The following MAMDC2 variants were observed in gnomAD, a reference collection of about 807,000 sequenced individuals.
MAMDC2 encodes MAM domain containing 2.
MAMDC2 carries 57 observed loss-of-function variants against 89.8 expected under a neutral mutation model. That is an observed-to-expected ratio of 0.63 (90% CI 0.51 to 0.79). The LOEUF (loss-of-function observed/expected upper bound fraction) is 0.79, where lower values mean the gene tolerates loss of function less well. Among genes scored for constraint, MAMDC2 ranks in the 30% least tolerant of loss-of-function variants. MAMDC2 has a pLI of 0.00. For synonymous variants in MAMDC2, 313 were observed against 293.4 expected (o/e 1.07, Z -0.68); for missense variants, 800 against 820.6 (o/e 0.97, Z 0.31).
chr9:70,103,198 A>G (rs1156536223), intron 2 of MAMDC2, among the ~76,000 whole-genome samples: 2 of 152,216 alleles, frequency 1.3e-5, no homozygotes, highest in Non-Finnish European at 2.9e-5. Flanking sequence ...GAATACTGTT[A>G]AAACACTGAA....
At chr9:70,186,135 T>C (rs970100758) in intron 11 of MAMDC2, among the ~76,000 whole-genome samples, 1 of 150,414 alleles carries the variant, frequency 6.6e-6, no homozygotes, top group Non-Finnish European at 1.5e-5. Context: ...TAGTATTTGC[T>C]TTATATTTAT....
At chr9:70,097,007 G>C (rs1209471596) in intron 2 of MAMDC2, among the ~76,000 whole-genome samples, 1 of 152,180 alleles carries the variant, frequency 6.6e-6, no homozygotes, top group African/African-American at 2.4e-5. Flanking sequence ...AGAAGTTTCT[G>C]AGTCAACTAG....
At chr9:70,222,562 G>A (rs1309959696) in intron 12 of MAMDC2, among the ~76,000 whole-genome samples, 2 of 152,084 alleles carry the variant, frequency 1.3e-5, no homozygotes, top group East Asian at 1.9e-4. Flanking sequence ...TGCATCAAAC[G>A]GCAAATGTTT....
chr9:70,190,640 T>C (rs2032859045), intron 11 of MAMDC2, among the ~76,000 whole-genome samples: 1 of 152,064 alleles, frequency 6.6e-6, no homozygotes, highest in African/African-American at 2.4e-5. Flanking sequence ...GTTAGAGCTT[T>C]GTAAAGCTCC....
At chr9:70,111,950 A>C (rs1413199589) in intron 4 of MAMDC2, among the ~76,000 whole-genome samples, 1 of 152,198 alleles carries the variant, frequency 6.6e-6, no homozygotes, top group Non-Finnish European at 1.5e-5. Context: ...TTTGTCAAAC[A>C]AGGGCTGCTT....
Position 70,052,772 on chromosome 9 carries a change from GGTT to G in MAMDC2, c.148+8078_148+8080del, listed in dbSNP as rs149579714. Among the ~76,000 whole-genome samples the G allele has an allele frequency of 3.8e-3, 581 of 152,324 alleles. 4 individuals carry two copies. The highest frequency in any genetic ancestry group is 0.013 in the African/African-American group (555 of 41,558). ...AACATTTTTTTCCTGTAGTAAAAGA[GGTT>G]GTGTTTAGTAATCCTTCCTACCATG... On this transcript the variant is annotated intron_variant, in intron 2 of 13. Transcript: ENST00000377182.
intron 9 of MAMDC2, among the ~76,000 whole-genome samples, chr9:70,156,582 A>T (rs1448620843): frequency 6.6e-6 from 1 of 152,248 alleles, no homozygotes; most frequent in Admixed American, 6.5e-5. Flanking sequence ...AGAAATAGAA[A>T]GGTCATTAAT....
At chr9:70,212,962 A>C (rs1255195383) in intron 11 of MAMDC2, among the ~76,000 whole-genome samples, 1 of 152,152 alleles carries the variant, frequency 6.6e-6, no homozygotes, top group Non-Finnish European at 1.5e-5. Flanking sequence ...TTAGAGTCCA[A>C]ACCTGTTGGG....
At chr9:70,044,257 C>A in intron 1 of MAMDC2, 26 bp downstream of exon 1, 1 of 1,610,394 alleles carries the variant, frequency 6.2e-7, no homozygotes. Flanking sequence ...CGGGACAACC[C>A]CGGGGGCGCT....
chr9:70,101,963 C>T (rs757186302), intron 2 of MAMDC2, among the ~76,000 whole-genome samples: 42 of 152,228 alleles, frequency 2.8e-4, no homozygotes, highest in Admixed American at 5.9e-4. Context: ...TGGTTTTATA[C>T]GTATTATGCC....
chr9:70,225,979 A>G lies in MAMDC2; in HGVS notation c.2008A>G (p.Thr670Ala). Reference sequence around the variant, plus strand: ...GTCTTTCCTGACAGAAATGGAAGATACAACTCAACAATCATCAGGATATTC... The same window carrying G: ...GTCTTTCCTGACAGAAATGGAAGATGCAACTCAACAATCATCAGGATATTC... ...QAGPCGEMED[T>A]TQQSSGYSED... The change falls in exon 14 of 14, where the codon ACA becomes GCA. Residue 670 changes from threonine to alanine, a missense_variant. Thr to Ala is a moderately conservative substitution (Grantham distance 58, BLOSUM62 0). Coordinates refer to ENST00000377182, the MANE Select transcript of MAMDC2 (RefSeq NM_153267.5). The G allele has an allele frequency of 6.3e-7, 1 of 1,580,316 alleles. No individual in the cohort carries two copies. The highest frequency in any genetic ancestry group is 1.2e-5 in the South Asian group (1 of 86,254).
chr9:70,170,264 T>C (rs1329085915), intron 10 of MAMDC2: 2 of 429,062 alleles, frequency 4.7e-6, no homozygotes, highest in Non-Finnish European at 8.2e-6. Context: ...TAGATCTGTA[T>C]ATCTGATTGT....
At chr9:70,091,417 G>A (rs140737128) in intron 2 of MAMDC2, among the ~76,000 whole-genome samples, 3 of 152,056 alleles carry the variant, frequency 2.0e-5, no homozygotes, top group African/African-American at 7.2e-5. Flanking sequence ...AATCCAAGAG[G>A]GTCCACCATG....
intron 2 of MAMDC2, among the ~76,000 whole-genome samples, chr9:70,096,174 T>C (rs904828352): frequency 6.6e-6 from 1 of 151,990 alleles, no homozygotes; most frequent in Admixed American, 6.5e-5. Flanking sequence ...ACAGGTGCCA[T>C]GCCTGGCTAA....
intron 9 of MAMDC2, among the ~76,000 whole-genome samples, chr9:70,165,337 A>G (rs1337099052): frequency 1.3e-5 from 2 of 152,196 alleles, no homozygotes; most frequent in Non-Finnish European, 2.9e-5. Context: ...CAGCCCCAAA[A>G]TAAGCGCTGA....
At chr9:70,046,311 A>G (rs974242194) in intron 2 of MAMDC2, among the ~76,000 whole-genome samples, 6 of 152,206 alleles carry the variant, frequency 3.9e-5, no homozygotes, top group Non-Finnish European at 7.4e-5. Context: ...CACACACACA[A>G]CCTGTGCTGT....
chr9:70,126,433 C>T lies in MAMDC2; in HGVS notation c.900+18C>T, dbSNP rs762667535. The T allele has an allele frequency of 3.7e-6, 6 of 1,603,066 alleles. No individual in the cohort carries two copies. The South Asian group carries it at 6.7e-5, about 18-fold the overall frequency. ...CCATGGAGGTAGGTGTACTGGTGCG[C>T]ACCAGCTGTTCACTGGCACTCTTTA... On this transcript the variant is annotated intron_variant, in intron 6 of 13. Coordinates refer to ENST00000377182, the MANE Select transcript of MAMDC2 (RefSeq NM_153267.5).
At chr9:70,185,996 G>C (rs539712237) in intron 11 of MAMDC2, among the ~76,000 whole-genome samples, 2 of 152,204 alleles carry the variant, frequency 1.3e-5, no homozygotes, top group East Asian at 3.9e-4. Context: ...GTTCCTATTT[G>C]GCCATCTTGC....
chr9:70,225,007 A>G (rs577512901), intron 12 of MAMDC2, among the ~76,000 whole-genome samples: 29 of 152,350 alleles, frequency 1.9e-4, no homozygotes, highest in Admixed American at 1.6e-3. Flanking sequence ...ACTTGCTTAT[A>G]AAATGAATAG....
Sources: gnomAD v4.1 joint callset for allele counts (sites outside exome capture counted in the v4.1 genomes callset) on GRCh38, gnomAD v4.1.1 for gene constraint, MANE v1.5 for transcripts, NCBI Gene and HGNC (gene_info 2026-07-23, HGNC 2026-07-21) for gene names.